Variants in SLC10A7 observed in about 807,000 individuals in gnomAD.
SLC10A7 encodes the protein sodium/bile acid cotransporter 7.
Under a neutral mutation model 43.2 loss-of-function variants are expected in SLC10A7, and 29 were observed. That is an observed-to-expected ratio of 0.67 (90% CI 0.50 to 0.92). The LOEUF (loss-of-function observed/expected upper bound fraction) is 0.92, where lower values mean the gene tolerates loss of function less well. Ranked by LOEUF, SLC10A7 falls within the 40% of genes least tolerant of loss-of-function variation. The pLI, the probability that SLC10A7 is intolerant of heterozygous loss-of-function variation, is 0.00. For synonymous variants in SLC10A7, 152 were observed against 144.8 expected (o/e 1.05, Z -0.35); for missense variants, 295 against 403.2 (o/e 0.73, Z 2.30).
intron 4 of SLC10A7, among the ~76,000 whole-genome samples, chr4:146,464,486 A>G (rs1365071988): frequency 6.6e-6 from 1 of 152,114 alleles, no homozygotes. Context: ...CCATACAAGA[A>G]CATAAAATTT....
At chr4:146,425,828 G>A (rs1729307988) in intron 5 of SLC10A7, among the ~76,000 whole-genome samples, 1 of 152,224 alleles carries the variant, frequency 6.6e-6, no homozygotes, top group African/African-American at 2.4e-5. Context: ...TCCAAGGGCA[G>A]TGTACCCTTG....
intron 5 of SLC10A7, among the ~76,000 whole-genome samples, chr4:146,393,608 T>C (rs1738605953): frequency 6.6e-6 from 1 of 152,228 alleles, no homozygotes; most frequent in African/African-American, 2.4e-5. Context: ...ATGTTTCTTC[T>C]TGAATGAATG....
intron 4 of SLC10A7, among the ~76,000 whole-genome samples, chr4:146,461,863 G>A (rs1446718625): frequency 1.4e-5 from 2 of 145,006 alleles, no homozygotes; most frequent in African/African-American, 5.1e-5. Flanking sequence ...GAAAACTGAC[G>A]AAGACAATTA....
chr4:146,278,125 G>A (rs1310997789), intron 10 of SLC10A7, among the ~76,000 whole-genome samples: 1 of 152,038 alleles, frequency 6.6e-6, no homozygotes, highest in Non-Finnish European at 1.5e-5. Context: ...AAGTTAGGAG[G>A]CCTGGAATAT....
intron 4 of SLC10A7, among the ~76,000 whole-genome samples, chr4:146,482,073 A>C (rs1341337156): frequency 6.6e-6 from 1 of 152,172 alleles, no homozygotes; most frequent in Non-Finnish European, 1.5e-5. Flanking sequence ...AGCCACTATA[A>C]TCTGTCCAAC....
chr4:146,455,280 T>A (rs1473011554), intron 4 of SLC10A7, among the ~76,000 whole-genome samples: 3 of 151,844 alleles, frequency 2.0e-5, no homozygotes, highest in African/African-American at 7.2e-5. Context: ...GCTTTTCCAA[T>A]ATCTCCTAGT....
intron 4 of SLC10A7, among the ~76,000 whole-genome samples, chr4:146,488,216 T>TA (rs1463650071): frequency 6.6e-6 from 1 of 151,870 alleles, no homozygotes; most frequent in Admixed American, 6.6e-5. Context: ...AAAATATAGG[T>TA]AAAAGCATTT....
At chr4:146,436,033 G>T (rs1730183072) in intron 5 of SLC10A7, among the ~76,000 whole-genome samples, 1 of 151,656 alleles carries the variant, frequency 6.6e-6, no homozygotes, top group African/African-American at 2.4e-5. Context: ...AAATGGTAAT[G>T]AAATCATTGC....
intron 10 of SLC10A7, among the ~76,000 whole-genome samples, chr4:146,281,276 C>T (rs980732735): frequency 1.4e-4 from 22 of 151,988 alleles, no homozygotes; most frequent in Admixed American, 5.9e-4. Context: ...CCTGAGTATG[C>T]GTTTTGCTCT....
chr4:146,441,361 A>G (rs1730585968), intron 5 of SLC10A7, among the ~76,000 whole-genome samples: 1 of 152,210 alleles, frequency 6.6e-6, no homozygotes, highest in Non-Finnish European at 1.5e-5. Context: ...CTCAAACTAT[A>G]TTTAATAAGC....
At chr4:146,415,499 A>G (rs1340899842) in intron 5 of SLC10A7, among the ~76,000 whole-genome samples, 1 of 152,196 alleles carries the variant, frequency 6.6e-6, no homozygotes, top group Non-Finnish European at 1.5e-5. Context: ...TTGCTATTAT[A>G]TTCTTATCCA....
chr4:146,292,983 G>A lies in SLC10A7; in HGVS notation c.722-3C>T, dbSNP rs1204221759. 3.2e-6 allele frequency: 5 copies of A among 1,563,094 alleles called. No homozygotes were observed. The highest frequency in any genetic ancestry group is 1.7e-4 in the Middle Eastern group (1 of 5,938). On this transcript the variant is annotated splice_polypyrimidine_tract_variant and splice_region_variant and intron_variant, in intron 8 of 11. Transcript: ENST00000335472. Reference sequence around the variant, plus strand: ...AAAACTCAGCTGGATAGAAAATACTGAAGAAAAAAAGATTGAATCTAAATT... The same window carrying A: ...AAAACTCAGCTGGATAGAAAATACTAAAGAAAAAAAGATTGAATCTAAATT...
intron 4 of SLC10A7, among the ~76,000 whole-genome samples, chr4:146,500,079 C>G (rs564972993): frequency 1.3e-5 from 2 of 152,154 alleles, no homozygotes; most frequent in African/African-American, 4.8e-5. Flanking sequence ...ACTCCTATAC[C>G]TCCTCTATCT....
intron 4 of SLC10A7, among the ~76,000 whole-genome samples, chr4:146,488,050 G>A (rs1735070935): frequency 1.3e-5 from 2 of 152,034 alleles, no homozygotes; most frequent in African/African-American, 2.4e-5. Flanking sequence ...AATTAGTCAA[G>A]CATGGTAGCA....
chr4:146,354,844 G>T (rs1160722155), intron 5 of SLC10A7, among the ~76,000 whole-genome samples: 1 of 137,072 alleles, frequency 7.3e-6, no homozygotes, highest in Non-Finnish European at 1.6e-5. Flanking sequence ...TATGTAGAAA[G>T]CTGAAACTGG....
intron 5 of SLC10A7, chr4:146,441,976 T>C: frequency 2.0e-6 from 2 of 981,176 alleles, no homozygotes; most frequent in Non-Finnish European, 2.4e-6. Flanking sequence ...CTGATTTTAC[T>C]CTCAATTATT....
Position 146,316,502 on chromosome 4 carries a change from C to T in SLC10A7, c.471+9459G>A, listed in dbSNP as rs1229505584. 5.3e-5 allele frequency among the ~76,000 whole-genome samples: 8 copies of T among 152,012 alleles called. 1 individual carries two copies. Among genetic ancestry groups the T allele is most frequent in the Non-Finnish European group, 1.2e-4 (8 of 67,966 alleles). On this transcript the variant is annotated intron_variant, in intron 6 of 11. Coordinates refer to ENST00000335472, the MANE Select transcript of SLC10A7 (RefSeq NM_001029998.6). ...CAGCAAAAAAGCAGCCATCTATGAC[C>T]CAGAAAGCAGGCCTTTACCAGACAC...
intron 4 of SLC10A7, among the ~76,000 whole-genome samples, chr4:146,491,087 T>G (rs1194161618): frequency 6.6e-6 from 1 of 152,184 alleles, no homozygotes; most frequent in Non-Finnish European, 1.5e-5. Flanking sequence ...AAAAGACTAA[T>G]TCTGACTGGG....
At chr4:146,423,385 T>C (rs1357736681) in intron 5 of SLC10A7, among the ~76,000 whole-genome samples, 1 of 152,164 alleles carries the variant, frequency 6.6e-6, no homozygotes, top group African/African-American at 2.4e-5. Context: ...ATTTAGAGTA[T>C]GAATTAGACA....
Sources: gnomAD v4.1 joint callset for allele counts (sites outside exome capture counted in the v4.1 genomes callset) on GRCh38, gnomAD v4.1.1 for gene constraint, MANE v1.5 for transcripts, NCBI Gene and HGNC (gene_info 2026-07-23, HGNC 2026-07-21) for gene names.